PHC3: variants seen among roughly 807,000 people sequenced by gnomAD.
The protein encoded by PHC3 is polyhomeotic-like protein 3.
In PHC3, 13 loss-of-function variants were observed where a neutral mutation model predicts 107.4. The ratio of observed to expected loss-of-function variants is 0.12; its 90% CI spans 0.08 to 0.19. PHC3 has a LOEUF of 0.19. PHC3 is among the 10% of genes least tolerant of loss of function. The probability of loss-of-function intolerance (pLI) is 1.00; values close to 1 mark genes in which losing one functional copy is unlikely to be tolerated. For synonymous variants in PHC3, 456 were observed against 427.4 expected (o/e 1.07, Z -0.83); for missense variants, 992 against 1,210.9 (o/e 0.82, Z 2.68).
chr3:170,150,531 T>TAAAA (rs1168514834), intron 4 of PHC3: 2 of 77,598 alleles, frequency 2.6e-5, no homozygotes, highest in Non-Finnish European at 4.7e-5. Context: ...CTGTCTCTAC[T>TAAAA]AAAAAAAAAA....
chr3:170,140,994 T>C (rs1035251356), intron 6 of PHC3, among the ~76,000 whole-genome samples: 6 of 152,138 alleles, frequency 3.9e-5, no homozygotes, highest in Non-Finnish European at 8.8e-5. Context: ...TTTAACATAG[T>C]AAATAAAAGT....
At chr3:170,177,328 C>T (rs1730630254) in intron 2 of PHC3, among the ~76,000 whole-genome samples, 1 of 152,100 alleles carries the variant, frequency 6.6e-6, no homozygotes, top group African/African-American at 2.4e-5. Context: ...ACACATAATC[C>T]TATAAACTAC....
intron 6 of PHC3, among the ~76,000 whole-genome samples, chr3:170,138,152 G>A (rs143739000): frequency 0.012 from 1,859 of 152,032 alleles, 40 homozygotes; most frequent in African/African-American, 0.042. Context: ...AAGATATTGC[G>A]CCATTGCCCA....
At position 170,094,416 on chromosome 3, in the gene PHC3, G is replaced by C. The variant is rs1714422527; in HGVS notation, c.*2814C>G. ...AAGGAAGTCAGAAAATGCAAACTTA[G>C]GTAGCAAAAGTAGGAAGAACCTCCA... On this transcript the variant is annotated 3_prime_UTR_variant, in exon 15 of 15. Transcript: ENST00000495893. The C allele has an allele frequency of 6.6e-6, 1 of 152,172 alleles. No individual in the cohort carries two copies. Among genetic ancestry groups the C allele is most frequent in the Admixed American group, 6.5e-5 (1 of 15,270 alleles). 9.4% of individuals were successfully genotyped at this position (152,172 alleles called of 1,614,324 possible). A position where few individuals can be genotyped will look rare whatever the true frequency, so the allele number is the denominator to read the frequency against.
chr3:170,111,259 GAAGAAGGA>G (rs1717587370), intron 11 of PHC3, among the ~76,000 whole-genome samples: 1 of 119,812 alleles, frequency 8.3e-6, no homozygotes, highest in Admixed American at 9.5e-5. Context: ...TTTAAAACAA[GAAGAAGGA>G]AGGAAGGAAG....
At chr3:170,148,152 C>G (rs1212179006) in intron 5 of PHC3, 1 of 152,140 alleles carries the variant, frequency 6.6e-6, no homozygotes, top group Non-Finnish European at 1.5e-5. Flanking sequence ...ACCTGTAATC[C>G]CAGCTACTTG....
intron 5 of PHC3, 127 bp from the exon 6 acceptor site, chr3:170,145,648 G>A: frequency 3.9e-6 from 2 of 513,830 alleles, no homozygotes; most frequent in South Asian, 4.6e-5. Context: ...TATCTCCTCA[G>A]CAAAAGGTTC....
At chr3:170,102,244 A>T in intron 14 of PHC3, 1 of 985,444 alleles carries the variant, frequency 1.0e-6, no homozygotes. Flanking sequence ...GAGGTGTCAC[A>T]GCAGAAGCAG....
intron 6 of PHC3, among the ~76,000 whole-genome samples, chr3:170,142,277 T>A (rs999941991): frequency 2.6e-5 from 4 of 152,118 alleles, no homozygotes; most frequent in African/African-American, 9.7e-5. Context: ...GAAACTGAGG[T>A]GAGAGGTTAA....
At chr3:170,129,965 C>T (rs1721978214) in intron 7 of PHC3, among the ~76,000 whole-genome samples, 1 of 152,214 alleles carries the variant, frequency 6.6e-6, no homozygotes, top group African/African-American at 2.4e-5. Flanking sequence ...TCCCAAAGTG[C>T]TGGGATTACT....
At chr3:170,165,556 T>C (rs1728582073) in intron 4 of PHC3, among the ~76,000 whole-genome samples, 1 of 151,752 alleles carries the variant, frequency 6.6e-6, no homozygotes, top group East Asian at 1.9e-4. Flanking sequence ...AGTTCAAGAC[T>C]GGCCTGGCCA....
intron 4 of PHC3, among the ~76,000 whole-genome samples, chr3:170,164,754 C>T (rs1186388258): frequency 1.3e-5 from 2 of 152,136 alleles, no homozygotes; most frequent in Non-Finnish European, 2.9e-5. Flanking sequence ...AATCCAGAAA[C>T]ACCACAGGCA....
chr3:170,097,560 T>C lies in PHC3; in HGVS notation c.2834-176A>G, dbSNP rs1268224540. On this transcript the variant is annotated intron_variant, in intron 14 of 14. Transcript: ENST00000495893. This position sits in a 1 kb window ranked among gnomAD's most constrained non-coding sequence, Gnocchi z 4.1. Reference sequence around the variant, plus strand: ...ACTCTTGAAGAATAGAGTATTTGCATTCTGAAAATAAGAATTCAAAATCCA... The same window carrying C: ...ACTCTTGAAGAATAGAGTATTTGCACTCTGAAAATAAGAATTCAAAATCCA... 1.3e-5 allele frequency among the ~76,000 whole-genome samples: 2 copies of C among 152,182 alleles called. No homozygotes were observed. Among genetic ancestry groups the C allele is most frequent in the Non-Finnish European group, 2.9e-5 (2 of 68,020 alleles).
chr3:170,161,629 C>A (rs1376621396), intron 4 of PHC3, among the ~76,000 whole-genome samples: 1 of 152,168 alleles, frequency 6.6e-6, no homozygotes, highest in African/African-American at 2.4e-5. Flanking sequence ...AGGCCCAGTT[C>A]CTAACAGGCC....
chr3:170,148,273 A>G lies in PHC3; in HGVS notation c.573+813T>C, dbSNP rs535016918. 3 of 152,232 alleles carry G rather than the reference A, an allele frequency of 2.0e-5. No homozygotes were observed. In the South Asian group the frequency reaches 6.2e-4, roughly 32 times the overall value. The allele number at this position is 152,232 out of a possible 1,614,324, so 9.4% of individuals were successfully genotyped here. A position where few individuals can be genotyped will look rare whatever the true frequency, so the allele number is the denominator to read the frequency against. ...GACAGAGTGAGACTTCACCTCAAAAAACAATAACAACAACAACAACAACAA... is the reference window on the plus strand; with the variant it reads ...GACAGAGTGAGACTTCACCTCAAAAGACAATAACAACAACAACAACAACAA... On this transcript the variant is annotated intron_variant, in intron 5 of 14. Coordinates refer to ENST00000495893, the MANE Select transcript of PHC3 (RefSeq NM_024947.4).
At position 170,112,807 on chromosome 3, in the gene PHC3, A is replaced by G. The variant is rs185968432; in HGVS notation, c.2353+553T>C. ...CCGAAGTGTTGGGATTACAGGCATG[A>G]GCCATCGTGCCTGGCCTTATTTCAT... On this transcript the variant is annotated intron_variant, in intron 11 of 14. Transcript: ENST00000495893. Among the ~76,000 whole-genome samples, 272 of 152,338 alleles carry G rather than the reference A, an allele frequency of 1.8e-3. 1 individual carries two copies. Among genetic ancestry groups the G allele is most frequent in the African/African-American group, 6.4e-3 (266 of 41,576 alleles).
intron 12 of PHC3, among the ~76,000 whole-genome samples, chr3:170,104,643 T>C (rs916128223): frequency 2.5e-4 from 38 of 152,346 alleles, no homozygotes; most frequent in Non-Finnish European, 1.0e-4. Flanking sequence ...CTAACTATTC[T>C]AGAACCAGTA....
At chr3:170,172,196 A>AT (rs1161808944) in intron 3 of PHC3, among the ~76,000 whole-genome samples, 5 of 152,080 alleles carry the variant, frequency 3.3e-5, no homozygotes, top group African/African-American at 1.2e-4. Context: ...ATATTGTTTG[A>AT]TTTTTTAATG....
chr3:170,135,481 G>C (rs1188884083), intron 7 of PHC3, among the ~76,000 whole-genome samples: 1 of 150,788 alleles, frequency 6.6e-6, no homozygotes, highest in African/African-American at 2.5e-5. Context: ...ACATTTGTAA[G>C]GTGTATAGCC....
Sources: allele counts gnomAD v4.1 joint callset (sites outside exome capture counted in the v4.1 genomes callset), GRCh38; gene constraint gnomAD v4.1.1; non-coding constraint Gnocchi (gnomAD v3.1); transcripts MANE v1.5; gene names NCBI Gene and HGNC (gene_info 2026-07-23, HGNC 2026-07-21).